CPD: variants seen among roughly 807,000 people sequenced by gnomAD.
CPD encodes metallocarboxypeptidase D.
A neutral mutation model predicts 138.3 loss-of-function variants in CPD; 69 were observed. The ratio of observed to expected loss-of-function variants is 0.50; its 90% CI spans 0.41 to 0.61. The LOEUF is 0.61. Among genes scored for constraint, CPD ranks in the 20% least tolerant of loss-of-function variants. CPD has a pLI of 0.00. For synonymous variants in CPD, 651 were observed against 642.1 expected (o/e 1.01, Z -0.21); for missense variants, 1,432 against 1,733.3 (o/e 0.83, Z 3.09).
In CPD at chr17:30,459,268, G is replaced by A. The variant is rs935134865; in HGVS notation, c.3499-1912G>A. 5.4e-5 allele frequency among the ~76,000 whole-genome samples: 8 copies of A among 147,068 alleles called. No individual in the cohort carries two copies. In the East Asian group the frequency reaches 1.6e-3, roughly 30 times the overall value. ...TTATACTTTAAGTTTTAGGGTACAT[G>A]TGCACAACGTGCAGGTTAGTTACAT... is the stretch of plus-strand genomic sequence containing the variant. On this transcript the variant is annotated intron_variant, in intron 17 of 20. Transcript: ENST00000225719.
chr17:30,381,710 A>G lies in CPD; in HGVS notation c.746+1984A>G, dbSNP rs529254597. Among the ~76,000 whole-genome samples the G allele has an allele frequency of 2.2e-4, 33 of 152,348 alleles. No individual in the cohort carries two copies. The East Asian group carries it at 6.2e-3, about 28-fold the overall frequency. On this transcript the variant is annotated intron_variant, in intron 1 of 20. Transcript: ENST00000225719. ...CCTAAATATAGTGTCAACTTTATGG[A>G]TGGGATATTTTTAAATACTCAAACA...
chr17:30,446,773 C>G (rs1384771587), intron 12 of CPD, among the ~76,000 whole-genome samples: 6 of 152,196 alleles, frequency 3.9e-5, no homozygotes, highest in Non-Finnish European at 8.8e-5. Context: ...AATGGTTGAA[C>G]TAGTTTACAG....
At chr17:30,394,970 A>G (rs1911459971) in intron 2 of CPD, among the ~76,000 whole-genome samples, 1 of 151,756 alleles carries the variant, frequency 6.6e-6, no homozygotes, top group Non-Finnish European at 1.5e-5. Context: ...TATTAATAGT[A>G]CTTGATGTAC....
chr17:30,422,438 A>G (rs1183950572), intron 4 of CPD, among the ~76,000 whole-genome samples: 1 of 152,168 alleles, frequency 6.6e-6, no homozygotes, highest in Non-Finnish European at 1.5e-5. Context: ...TTTTTTTGGT[A>G]TACATTCTAG....
chr17:30,384,366 G>A (rs1426018999), intron 1 of CPD, among the ~76,000 whole-genome samples: 1 of 152,088 alleles, frequency 6.6e-6, no homozygotes, highest in East Asian at 1.9e-4. Flanking sequence ...GACGGTAAAT[G>A]TAAAAAGCAT....
At chr17:30,444,117 T>C (rs1912956863) in intron 11 of CPD, 146 bp downstream of exon 11, 1 of 629,854 alleles carries the variant, frequency 1.6e-6, no homozygotes, top group East Asian at 2.7e-5. Flanking sequence ...TACCTTTGAC[T>C]CTCCTTTAGT....
intron 2 of CPD, among the ~76,000 whole-genome samples, chr17:30,408,821 C>T (rs1461107630): frequency 6.6e-6 from 1 of 152,106 alleles, no homozygotes; most frequent in East Asian, 1.9e-4. Context: ...CCTGATTGCC[C>T]TGGCCAGAAC....
intron 2 of CPD, among the ~76,000 whole-genome samples, chr17:30,414,607 A>G (rs570003475): frequency 8.6e-5 from 13 of 152,030 alleles, no homozygotes; most frequent in African/African-American, 3.1e-4. Context: ...GAGTGATTGC[A>G]GAAATACATG....
intron 10 of CPD, among the ~76,000 whole-genome samples, chr17:30,443,007 G>GT (rs11394991): frequency 0.5 from 76,295 of 151,560 alleles, 19,709 homozygotes; most frequent in East Asian, 0.83. Flanking sequence ...AAGTCTGTGA[G>GT]TTTTTTTTAC....
At chr17:30,436,728 T>C (rs537341023) in intron 8 of CPD, among the ~76,000 whole-genome samples, 1 of 152,286 alleles carries the variant, frequency 6.6e-6, no homozygotes, top group South Asian at 2.1e-4. Context: ...AAACATTAAA[T>C]ATAGAATTGT....
chr17:30,430,017 T>C (rs533334348), intron 7 of CPD, among the ~76,000 whole-genome samples: 15 of 152,338 alleles, frequency 9.8e-5, no homozygotes, highest in Non-Finnish European at 1.6e-4. Flanking sequence ...ATTAACATGC[T>C]AAAGAGTTAT....
rs113151924 is a variant in CPD at position 30,455,225 on chromosome 17, T to C, written c.3206-114T>C. On this transcript the variant is annotated intron_variant, in intron 14 of 20. Coordinates refer to ENST00000225719, the MANE Select transcript of CPD (RefSeq NM_001304.5). ...GGCTTATGGAGAAATAAAATATTTA[T>C]CTACAAATTTTTAAGTTAGCATTTT... 124 of 855,924 alleles carry C rather than the reference T, an allele frequency of 1.4e-4. 1 individual carries two copies. The African/African-American group carries it at 1.5e-3, about 10-fold the overall frequency. The allele number at this position is 855,924 out of a possible 1,614,324, so 53.0% of individuals were successfully genotyped here.
intron 8 of CPD, among the ~76,000 whole-genome samples, chr17:30,438,677 G>A (rs567271504): frequency 6.6e-6 from 1 of 152,128 alleles, no homozygotes; most frequent in East Asian, 1.9e-4. Context: ...TTAGAGAGGG[G>A]TTCAGCTAGG....
rs553880652 is a variant in CPD, at chr17:30,461,081, C to T, written c.3499-99C>T. On this transcript the variant is annotated intron_variant, in intron 17 of 20. Transcript: ENST00000225719. ...ACAGCTTCTTTGTTTACGTCAGCTA[C>T]GTTTTCTTTTCATTTACTCCATTTG... The T allele has an allele frequency of 3.5e-5, 31 of 881,078 alleles. No homozygotes were observed. The East Asian group carries it at 6.3e-4, about 18-fold the overall frequency. 54.6% of individuals were successfully genotyped at this position (881,078 alleles called of 1,614,324 possible).
In CPD at chr17:30,467,371, T is replaced by C. The variant is rs549132798; in HGVS notation, c.*2557T>C. 6.6e-6 allele frequency: 1 copy of C among 152,488 alleles called. No homozygotes were observed. Among genetic ancestry groups the C allele is most frequent in the East Asian group, 1.9e-4 (1 of 5,188 alleles). 9.4% of individuals were successfully genotyped at this position (152,488 alleles called of 1,614,324 possible). On this transcript the variant is annotated 3_prime_UTR_variant, in exon 21 of 21. Transcript: ENST00000225719. ...TGTTCAAAGTGTCTGCCTGTGTACATGTACTTGTATTGATTATGTAGTTCA... is the reference window on the plus strand; with the variant it reads ...TGTTCAAAGTGTCTGCCTGTGTACACGTACTTGTATTGATTATGTAGTTCA...
intron 3 of CPD, 126 bp downstream of exon 3, chr17:30,421,109 T>A: frequency 3.0e-6 from 2 of 662,818 alleles, no homozygotes; most frequent in South Asian, 6.8e-5. Flanking sequence ...TACTTAAGAT[T>A]ATAAATTATC....
At chr17:30,456,065 G>A (rs970357911) in intron 15 of CPD, 191 bp from the exon 16 acceptor site, 6 of 562,010 alleles carry the variant, frequency 1.1e-5, no homozygotes, top group South Asian at 2.2e-5. Flanking sequence ...ACCTTTTCAT[G>A]TAAAGAGGAT....
Position 30,431,791 on chromosome 17 carries a change from C to T in CPD, c.2037C>T (p.Tyr679=), listed in dbSNP as rs139252097. The part of the protein sequence containing the change: ...NLHGGSLVVN[Y]PFDDDEQGLA... ...TTATAGGTTCTTTGGTGGTTAACTA[C>T]CCTTTTGATGATGATGAACAAGGAC... The change falls in exon 8 of 21, where the codon TAC becomes TAT. Residue 679 remains tyrosine, a synonymous_variant. Transcript: ENST00000225719. 5.6e-6 allele frequency: 9 copies of T among 1,611,540 alleles called. No homozygotes were observed. The African/African-American group carries it at 6.7e-5, about 12-fold the overall frequency.
intron 2 of CPD, among the ~76,000 whole-genome samples, chr17:30,397,737 CAAAA>C (rs71138885): frequency 3.1e-5 from 1 of 31,848 alleles, no homozygotes; most frequent in African/African-American, 1.0e-4. Flanking sequence ...ACTCCTGTCT[CAAAA>C]AAAAAAAAAA....
Sources: gnomAD v4.1 joint callset for allele counts (sites outside exome capture counted in the v4.1 genomes callset) on GRCh38, gnomAD v4.1.1 for gene constraint, MANE v1.5 for transcripts, NCBI Gene and HGNC (gene_info 2026-07-23, HGNC 2026-07-21) for gene names.